The following TTC7B variants were observed in gnomAD, a reference collection of about 807,000 sequenced individuals.
TTC7B encodes the protein tetratricopeptide repeat domain 7B.
TTC7B carries 28 observed loss-of-function variants against 106.8 expected under a neutral mutation model. That is an observed-to-expected ratio of 0.26 (90% CI 0.19 to 0.36). The LOEUF (loss-of-function observed/expected upper bound fraction) is 0.36. Among genes scored for constraint, TTC7B ranks in the 10% least tolerant of loss-of-function variants. The pLI is 1.00. For synonymous variants in TTC7B, 405 were observed against 430.6 expected, an observed-to-expected ratio of 0.94 and a Z score of 0.74; for missense variants, 862 against 1,076.4, an observed-to-expected ratio of 0.80 and a Z score of 2.79.
intron 1 of TTC7B, among the ~76,000 whole-genome samples, chr14:90,791,787 G>A (rs1223210142): frequency 6.6e-6 from 1 of 152,104 alleles, no homozygotes; most frequent in Non-Finnish European, 1.5e-5. Context: ...GAGCAGAGCA[G>A]CGCCACACAA....
intron 17 of TTC7B, among the ~76,000 whole-genome samples, chr14:90,597,615 G>A (rs551409627): frequency 3.3e-5 from 5 of 151,848 alleles, no homozygotes; most frequent in Admixed American, 1.3e-4. Flanking sequence ...CTGAGACTGC[G>A]CCATTGCACT....
At chr14:90,771,059 G>A (rs2140026339) in intron 3 of TTC7B, among the ~76,000 whole-genome samples, 1 of 152,290 alleles carries the variant, frequency 6.6e-6, no homozygotes, top group Non-Finnish European at 1.5e-5. Flanking sequence ...AGGGGAATGG[G>A]GAGTTATTGT....
intron 14 of TTC7B, among the ~76,000 whole-genome samples, chr14:90,645,659 G>A (rs1885413784): frequency 6.6e-6 from 1 of 152,198 alleles, no homozygotes; most frequent in Admixed American, 6.5e-5. Flanking sequence ...TGGGTCGAAA[G>A]GCAAAGCATA....
chr14:90,704,271 G>C (rs1595300254), intron 5 of TTC7B, among the ~76,000 whole-genome samples: 1 of 152,226 alleles, frequency 6.6e-6, no homozygotes, highest in Non-Finnish European at 1.5e-5. Context: ...GCAGCCACTG[G>C]TGTGATTGTG....
intron 1 of TTC7B, among the ~76,000 whole-genome samples, chr14:90,809,266 A>C (rs1286314): frequency 0.68 from 102,888 of 152,170 alleles, 36,003 homozygotes; most frequent in Non-Finnish European, 0.76. Flanking sequence ...CCCTTAAGCA[A>C]AAGGAAATCT....
chr14:90,793,567 G>A (rs1282171346), intron 1 of TTC7B, among the ~76,000 whole-genome samples: 3 of 148,478 alleles, frequency 2.0e-5, no homozygotes, highest in Admixed American at 6.7e-5. Context: ...AAATTACCCA[G>A]TCTCAGGTAT....
chr14:90,671,358 G>A (rs1886624910), intron 9 of TTC7B, among the ~76,000 whole-genome samples: 1 of 152,172 alleles, frequency 6.6e-6, no homozygotes, highest in Admixed American at 6.5e-5. Flanking sequence ...GAGTTCAACA[G>A]GAAAGATAAA....
At chr14:90,620,110 C>T (rs1360003536) in intron 15 of TTC7B, among the ~76,000 whole-genome samples, 1 of 152,078 alleles carries the variant, frequency 6.6e-6, no homozygotes. Context: ...CAGGGCGGTG[C>T]GGTGCTCCCA....
chr14:90,704,109 C>T (rs1322347456), intron 5 of TTC7B, among the ~76,000 whole-genome samples: 1 of 152,176 alleles, frequency 6.6e-6, no homozygotes, highest in Non-Finnish European at 1.5e-5. Context: ...GGACTAACAC[C>T]TACTTGCCAT....
At chr14:90,716,386 C>T (rs1018999385) in intron 5 of TTC7B, among the ~76,000 whole-genome samples, 28 of 152,152 alleles carry the variant, frequency 1.8e-4, no homozygotes, top group Non-Finnish European at 3.7e-4. Flanking sequence ...TTTGCTAAAA[C>T]TGGATTTTAC....
At chr14:90,801,928 G>A (rs560247497) in intron 1 of TTC7B, among the ~76,000 whole-genome samples, 2 of 152,274 alleles carry the variant, frequency 1.3e-5, no homozygotes, top group Non-Finnish European at 2.9e-5. Context: ...AGGTATGGTG[G>A]TGGGTGCCTG....
At chr14:90,794,207 A>ACTTTTTTTTTTTTTTT (rs1566891563) in intron 1 of TTC7B, among the ~76,000 whole-genome samples, 1 of 130,618 alleles carries the variant, frequency 7.7e-6, no homozygotes, top group Non-Finnish European at 1.5e-5. Context: ...CTGGCTGGGT[A>ACTTTTTTTTTTTTTTT]TTTCTTTTTT....
intron 3 of TTC7B, among the ~76,000 whole-genome samples, chr14:90,776,588 C>A (rs1253942571): frequency 6.6e-6 from 1 of 152,144 alleles, no homozygotes; most frequent in Admixed American, 6.5e-5. Flanking sequence ...CAGGAGGAAA[C>A]CCGGCAAAGG....
intron 17 of TTC7B, among the ~76,000 whole-genome samples, chr14:90,603,511 C>T (rs1431947968): frequency 6.6e-6 from 1 of 152,182 alleles, no homozygotes; most frequent in Non-Finnish European, 1.5e-5. Flanking sequence ...GGGCATTCCC[C>T]TATCCATTGA....
intron 3 of TTC7B, among the ~76,000 whole-genome samples, chr14:90,749,100 G>A (rs1890056729): frequency 6.6e-6 from 1 of 152,120 alleles, no homozygotes; most frequent in South Asian, 2.1e-4. Context: ...CAATAATTCT[G>A]CTATCACCCT....
At position 90,577,647 on chromosome 14, in the gene TTC7B, G is replaced by A. The variant is rs1891312147; in HGVS notation, c.2310+459C>T. 2.0e-5 allele frequency among the ~76,000 whole-genome samples: 3 copies of A among 152,222 alleles called. No individual in the cohort carries two copies. The highest frequency in any genetic ancestry group is 7.2e-5 in the African/African-American group (3 of 41,454). On this transcript the variant is annotated intron_variant, in intron 19 of 19. Coordinates refer to ENST00000328459, the MANE Select transcript of TTC7B (RefSeq NM_001010854.2). The surrounding 1 kb of genome is among the most constrained non-coding windows in gnomAD (Gnocchi z 5.0). Reference sequence around the variant, plus strand: ...TCCCAGCCAATGGCCTCAGAGACATGCTGGAGTCTCAGGCTCCCTTAAGGC... The same window carrying A: ...TCCCAGCCAATGGCCTCAGAGACATACTGGAGTCTCAGGCTCCCTTAAGGC...
intron 15 of TTC7B, among the ~76,000 whole-genome samples, chr14:90,636,396 A>G (rs537997171): frequency 1.6e-4 from 24 of 149,046 alleles, no homozygotes; most frequent in African/African-American, 5.9e-4. Context: ...GCTTTAAAAT[A>G]TAGAAAGGAA....
At chr14:90,647,949 A>C (rs1885538722) in intron 13 of TTC7B, among the ~76,000 whole-genome samples, 1 of 152,112 alleles carries the variant, frequency 6.6e-6, no homozygotes, top group African/African-American at 2.4e-5. Context: ...CTACCAGCAG[A>C]AAACAAATTC....
At chr14:90,618,082 T>A in intron 15 of TTC7B, 37 bp from the exon 16 acceptor site, 1 of 1,493,908 alleles carries the variant, frequency 6.7e-7, no homozygotes. Flanking sequence ...ACACCACGGC[T>A]CAAGCCACAG....
Sources: gnomAD v4.1 joint callset for allele counts (sites outside exome capture counted in the v4.1 genomes callset) on GRCh38, gnomAD v4.1.1 for gene constraint, Gnocchi (gnomAD v3.1) non-coding constraint, MANE v1.5 for transcripts, NCBI Gene and HGNC (gene_info 2026-07-23, HGNC 2026-07-21) for gene names.